Variants in CDH18 observed in about 807,000 individuals in gnomAD.
CDH18 encodes the protein cadherin 18.
A neutral mutation model predicts 67.9 loss-of-function variants in CDH18; 31 were observed. The ratio of observed to expected loss-of-function variants is 0.46; its 90% CI spans 0.34 to 0.62. The LOEUF (loss-of-function observed/expected upper bound fraction) is 0.62. Ranked by LOEUF, CDH18 falls within the 20% of genes least tolerant of loss-of-function variation. CDH18 has a pLI of 0.01. For synonymous variants in CDH18, 362 were observed against 347.2 expected (o/e 1.04, Z -0.48); for missense variants, 890 against 975.5 (o/e 0.91, Z 1.17).
intron 3 of CDH18, among the ~76,000 whole-genome samples, chr5:19,759,058 A>T (rs896726569): frequency 6.6e-6 from 1 of 152,240 alleles, no homozygotes; most frequent in Non-Finnish European, 1.5e-5. Context: ...GGTGGGCCTT[A>T]TGGATAGGAA....
intron 1 of CDH18, among the ~76,000 whole-genome samples, chr5:20,366,875 G>A (rs1742564034): frequency 6.6e-6 from 1 of 152,072 alleles, no homozygotes; most frequent in Non-Finnish European, 1.5e-5. Context: ...GGGATGATTG[G>A]GACCCAAGGC....
chr5:20,309,736 A>G (rs972130830), intron 1 of CDH18, among the ~76,000 whole-genome samples: 3 of 152,132 alleles, frequency 2.0e-5, no homozygotes, highest in African/African-American at 7.2e-5. Flanking sequence ...AGATTTCTTC[A>G]TTTACTTTGA....
At chr5:20,029,323 T>C (rs1289740357) in intron 2 of CDH18, among the ~76,000 whole-genome samples, 1 of 152,126 alleles carries the variant, frequency 6.6e-6, no homozygotes, top group Non-Finnish European at 1.5e-5. Flanking sequence ...AAGCTTACCT[T>C]ATAGAAACAG....
At chr5:19,622,002 G>A (rs1750793939) in intron 5 of CDH18, among the ~76,000 whole-genome samples, 1 of 152,072 alleles carries the variant, frequency 6.6e-6, no homozygotes, top group African/African-American at 2.4e-5. Context: ...TCACACATTT[G>A]TCTTAATAAT....
intron 7 of CDH18, among the ~76,000 whole-genome samples, chr5:19,577,222 A>C (rs1407915909): frequency 1.3e-5 from 2 of 152,210 alleles, no homozygotes; most frequent in Non-Finnish European, 2.9e-5. Flanking sequence ...ACCATTCAAA[A>C]TATCTAAAAG....
chr5:20,150,607 G>A (rs1751022418), intron 2 of CDH18, among the ~76,000 whole-genome samples: 1 of 151,988 alleles, frequency 6.6e-6, no homozygotes, highest in Non-Finnish European at 1.5e-5. Context: ...AGTTACAAGG[G>A]TAAACACTTT....
At position 20,471,267 on chromosome 5, in the gene CDH18, C is replaced by G. The variant is rs1391858577; in HGVS notation, c.-580+104195G>C. 2.0e-5 allele frequency among the ~76,000 whole-genome samples: 3 copies of G among 152,068 alleles called. No homozygotes were observed. The East Asian group carries it at 5.8e-4, about 30-fold the overall frequency. Reference sequence around the variant, plus strand: ...TGCTTTCTCTGCTTGTTCATTCTCTCCTCATCATTCTCATTGTTGTCATTT... The same window carrying G: ...TGCTTTCTCTGCTTGTTCATTCTCTGCTCATCATTCTCATTGTTGTCATTT... On this transcript the variant is annotated intron_variant, in intron 1 of 14. Transcript: ENST00000507958.
chr5:20,146,917 A>C (rs1371725354), intron 2 of CDH18, among the ~76,000 whole-genome samples: 1 of 152,074 alleles, frequency 6.6e-6, no homozygotes. Flanking sequence ...CCATTTATTT[A>C]CTACTACTTT....
chr5:19,889,614 A>T (rs1454006558), intron 2 of CDH18, among the ~76,000 whole-genome samples: 1 of 152,130 alleles, frequency 6.6e-6, no homozygotes, highest in African/African-American at 2.4e-5. Flanking sequence ...AAAATATTGT[A>T]AAGGATTTAC....
chr5:20,421,625 G>T lies in CDH18; in HGVS notation c.-580+153837C>A, dbSNP rs1747865844. On this transcript the variant is annotated intron_variant, in intron 1 of 14. Transcript: ENST00000507958. Reference sequence around the variant, plus strand: ...ATTTCAAATGGAATAAAAATGATTTGTGTCACTAAAACTTAAAAACTGCAG... The same window carrying T: ...ATTTCAAATGGAATAAAAATGATTTTTGTCACTAAAACTTAAAAACTGCAG... Among the ~76,000 whole-genome samples the T allele has an allele frequency of 2.7e-5, 4 of 150,856 alleles. No homozygotes were observed. In the South Asian group the frequency reaches 8.3e-4, roughly 31 times the overall value.
At chr5:20,424,771 A>G (rs1319523245) in intron 1 of CDH18, among the ~76,000 whole-genome samples, 4 of 142,908 alleles carry the variant, frequency 2.8e-5, no homozygotes, top group Non-Finnish European at 6.1e-5. Context: ...AAAAAAAAAA[A>G]AGGAAGTGAA....
chr5:20,540,436 C>T (rs1200261049), intron 1 of CDH18, among the ~76,000 whole-genome samples: 1 of 152,080 alleles, frequency 6.6e-6, no homozygotes, highest in Non-Finnish European at 1.5e-5. Context: ...ATGATAGCTA[C>T]ATATGATGCA....
At chr5:20,062,139 G>GAATTATTATTATTAT (rs1742544251) in intron 2 of CDH18, among the ~76,000 whole-genome samples, 1 of 29,634 alleles carries the variant, frequency 3.4e-5, no homozygotes, top group Admixed American at 3.8e-4. Context: ...TTTAAGCCCA[G>GAATTATTATTATTAT]AATTATTATT....
intron 2 of CDH18, among the ~76,000 whole-genome samples, chr5:20,177,048 G>A (rs1737290222): frequency 1.3e-5 from 2 of 151,638 alleles, no homozygotes; most frequent in Non-Finnish European, 2.9e-5. Context: ...TTGAATTTTG[G>A]GTTTCTCTCC....
chr5:20,395,189 G>A (rs78030070), intron 1 of CDH18, among the ~76,000 whole-genome samples: 8,298 of 152,136 alleles, frequency 0.055, 383 homozygotes, highest in African/African-American at 0.13. Context: ...TGCAACCAAC[G>A]TAAGTGGCCA....
chr5:19,632,810 G>A (rs1046116922), intron 5 of CDH18, among the ~76,000 whole-genome samples: 5 of 152,154 alleles, frequency 3.3e-5, no homozygotes, highest in African/African-American at 4.8e-5. Flanking sequence ...GGGCACTGTG[G>A]TTCAGGTGAA....
Position 20,258,207 on chromosome 5 carries a change from AAAATAAG to A in CDH18, c.-579-2709_-579-2703del, listed in dbSNP as rs535070435. On this transcript the variant is annotated intron_variant, in intron 1 of 14. Transcript: ENST00000507958. ...CATTTTTATAGAACCAGGCCAAATA[AAAATAAG>A]AATTCAAGTTTTTATTTTTAAAAAT... Among the ~76,000 whole-genome samples, 438 of 152,224 alleles carry A rather than the reference AAAATAAG, an allele frequency of 2.9e-3. 3 individuals are homozygous for A. Among genetic ancestry groups the A allele is most frequent in the African/African-American group, 9.8e-3 (409 of 41,558 alleles).
At chr5:20,379,560 T>C (rs954986557) in intron 1 of CDH18, among the ~76,000 whole-genome samples, 1 of 152,156 alleles carries the variant, frequency 6.6e-6, no homozygotes, top group South Asian at 2.1e-4. Context: ...CTCAGTTAAT[T>C]ATATCTACAT....
chr5:20,219,448 G>T (rs942173934), intron 2 of CDH18, among the ~76,000 whole-genome samples: 1 of 150,692 alleles, frequency 6.6e-6, no homozygotes, highest in African/African-American at 2.4e-5. Context: ...AAAAATAGCA[G>T]AGGAAGGGAT....
Sources: gnomAD v4.1 joint callset for allele counts (sites outside exome capture counted in the v4.1 genomes callset) on GRCh38, gnomAD v4.1.1 for gene constraint, MANE v1.5 for transcripts, NCBI Gene and HGNC (gene_info 2026-07-23, HGNC 2026-07-21) for gene names.